CHRM2: variants seen among roughly 807,000 people sequenced by gnomAD.
CHRM2 encodes cholinergic receptor muscarinic 2, also known as muscarinic acetylcholine receptor M2.
In CHRM2, 8 loss-of-function variants were observed where a neutral mutation model predicts 25.0. The observed-to-expected ratio is 0.32, with a 90% CI of 0.19 to 0.58. The LOEUF (loss-of-function observed/expected upper bound fraction) is 0.58. Among genes scored for constraint, CHRM2 ranks in the 20% least tolerant of loss-of-function variants. CHRM2 has a pLI of 0.88. For missense variants in CHRM2, 440 were observed against 567.1 expected, an observed-to-expected ratio of 0.78 and a Z score of 2.28; for synonymous variants, 202 against 205.7, an observed-to-expected ratio of 0.98 and a Z score of 0.15.
chr7:136,994,534 T>C (rs1306016514), intron 3 of CHRM2, among the ~76,000 whole-genome samples: 4 of 144,040 alleles, frequency 2.8e-5, no homozygotes, highest in Non-Finnish European at 6.1e-5. Context: ...TTTTTTTTTT[T>C]TTTTTTTTTT....
intron 2 of CHRM2, among the ~76,000 whole-genome samples, chr7:136,964,960 A>G (rs1171223048): frequency 6.6e-6 from 1 of 152,174 alleles, no homozygotes; most frequent in Non-Finnish European, 1.5e-5. Context: ...AAAGTCTTAC[A>G]AATATTGGAA....
chr7:136,983,273 C>T (rs959771715), intron 2 of CHRM2, among the ~76,000 whole-genome samples: 1 of 152,130 alleles, frequency 6.6e-6, no homozygotes, highest in Non-Finnish European at 1.5e-5. Flanking sequence ...AGTTCTCGTG[C>T]TGTGTTTTTC....
intron 3 of CHRM2, among the ~76,000 whole-genome samples, chr7:137,003,494 A>G (rs1275282138): frequency 3.8e-3 from 141 of 36,894 alleles, no homozygotes; most frequent in African/African-American, 0.014. Context: ...ACACACACAC[A>G]CACACACACA....
intron 2 of CHRM2, among the ~76,000 whole-genome samples, chr7:136,877,286 C>T: frequency 6.6e-6 from 1 of 152,056 alleles, no homozygotes; most frequent in East Asian, 1.9e-4. Flanking sequence ...AGAAGCACAT[C>T]TTTCAATGTA....
intron 2 of CHRM2, among the ~76,000 whole-genome samples, chr7:136,872,662 A>G (rs1324912639): frequency 6.6e-6 from 1 of 152,202 alleles, no homozygotes; most frequent in Non-Finnish European, 1.5e-5. Flanking sequence ...AGCATGAATG[A>G]CACTGTCTTC....
chr7:136,894,656 G>A (rs1407818752), intron 2 of CHRM2, among the ~76,000 whole-genome samples: 7 of 152,140 alleles, frequency 4.6e-5, no homozygotes, highest in Admixed American at 4.6e-4. Context: ...ACAGGTGTGA[G>A]CCACCATGCC....
intron 2 of CHRM2, among the ~76,000 whole-genome samples, chr7:136,920,419 T>C (rs774363675): frequency 6.6e-6 from 1 of 152,166 alleles, no homozygotes; most frequent in Non-Finnish European, 1.5e-5. Context: ...TCTGAGAACA[T>C]ACTGTGTTCA....
intron 2 of CHRM2, among the ~76,000 whole-genome samples, chr7:136,970,331 T>C (rs1801679238): frequency 6.6e-6 from 1 of 152,252 alleles, no homozygotes; most frequent in Non-Finnish European, 1.5e-5. Flanking sequence ...AAAATCTGTT[T>C]ATTCACACTT....
At chr7:137,011,334 T>C (rs1804811183) in intron 3 of CHRM2, among the ~76,000 whole-genome samples, 1 of 151,376 alleles carries the variant, frequency 6.6e-6, no homozygotes, top group East Asian at 2.0e-4. Context: ...TCAGGCTAAG[T>C]CCAAAGGCCT....
intron 2 of CHRM2, among the ~76,000 whole-genome samples, chr7:136,887,133 C>CA (rs1413512475): frequency 6.6e-6 from 1 of 152,128 alleles, no homozygotes; most frequent in Non-Finnish European, 1.5e-5. Context: ...GCCATAGGGG[C>CA]AGTGAGACTG....
chr7:136,974,317 G>A (rs1371860364), intron 2 of CHRM2, among the ~76,000 whole-genome samples: 2 of 152,132 alleles, frequency 1.3e-5, no homozygotes, highest in Non-Finnish European at 2.9e-5. Flanking sequence ...GCTGTGCTAA[G>A]CAGAGGAGAC....
At chr7:136,965,285 T>C (rs184237802) in intron 2 of CHRM2, among the ~76,000 whole-genome samples, 248 of 152,168 alleles carry the variant, frequency 1.6e-3, no homozygotes, top group African/African-American at 5.7e-3. Flanking sequence ...AGTCCATTTT[T>C]TTTTCCTAAA....
At chr7:137,005,177 C>T (rs1420849797) in intron 3 of CHRM2, among the ~76,000 whole-genome samples, 1 of 152,040 alleles carries the variant, frequency 6.6e-6, no homozygotes, top group Non-Finnish European at 1.5e-5. Flanking sequence ...TAAGCTCATA[C>T]TTATCAGTGC....
At chr7:137,012,635 A>G (rs1804897389) in intron 3 of CHRM2, among the ~76,000 whole-genome samples, 1 of 151,988 alleles carries the variant, frequency 6.6e-6, no homozygotes, top group South Asian at 2.1e-4. Flanking sequence ...GCCGCATAAT[A>G]TTCCATTGTA....
At chr7:136,884,641 C>T (rs1361989849) in intron 2 of CHRM2, among the ~76,000 whole-genome samples, 1 of 152,016 alleles carries the variant, frequency 6.6e-6, no homozygotes, top group African/African-American at 2.4e-5. Flanking sequence ...AGAATGTGCT[C>T]CCAGACCACT....
chr7:136,929,820 G>T (rs530827413), intron 2 of CHRM2, among the ~76,000 whole-genome samples: 2 of 152,110 alleles, frequency 1.3e-5, no homozygotes, highest in African/African-American at 2.4e-5. Context: ...GAGGAATAAA[G>T]GTTACTAGTT....
chr7:136,936,274 TG>T (rs1799404404), intron 2 of CHRM2, among the ~76,000 whole-genome samples: 1 of 152,176 alleles, frequency 6.6e-6, no homozygotes, highest in Admixed American at 6.5e-5. Flanking sequence ...ATAAAGCCTT[TG>T]CCTCTGATAT....
At chr7:137,013,471 AT>A (rs1804960610) in intron 3 of CHRM2, among the ~76,000 whole-genome samples, 1 of 151,948 alleles carries the variant, frequency 6.6e-6, no homozygotes, top group Non-Finnish European at 1.5e-5. Context: ...ATATTCCCAA[AT>A]TTTAATTTCT....
At chr7:136,970,642 C>A (rs780629239) in intron 2 of CHRM2, among the ~76,000 whole-genome samples, 2 of 152,044 alleles carry the variant, frequency 1.3e-5, no homozygotes, top group Non-Finnish European at 2.9e-5. Context: ...TTCATTCATG[C>A]AACAACATTT....
Sources: allele counts gnomAD v4.1 joint callset (sites outside exome capture counted in the v4.1 genomes callset), GRCh38; gene constraint gnomAD v4.1.1; transcripts MANE v1.5; gene names NCBI Gene and HGNC (gene_info 2026-07-23, HGNC 2026-07-21).